TPTE2: variants seen among roughly 807,000 people sequenced by gnomAD.
The protein encoded by TPTE2 is transmembrane phosphoinositide 3-phosphatase and tensin homolog 2.
TPTE2 carries 53 observed loss-of-function variants against 78.6 expected under a neutral mutation model. The ratio of observed to expected loss-of-function variants is 0.67; its 90% CI spans 0.54 to 0.85. The LOEUF is 0.85. Ranked by LOEUF, TPTE2 falls within the 40% of genes least tolerant of loss-of-function variation. The pLI is 0.00. For missense variants in TPTE2, 461 were observed against 623.0 expected, an observed-to-expected ratio of 0.74 and a Z score of 2.77; for synonymous variants, 175 against 206.2, an observed-to-expected ratio of 0.85 and a Z score of 1.30.
chr13:19,506,858 A>G (rs982611669), upstream of TPTE2, among the ~76,000 whole-genome samples: 13 of 152,186 alleles, frequency 8.5e-5, no homozygotes, highest in Non-Finnish European at 1.3e-4. Context: ...ATATAGCCCA[A>G]CCTGGTAGAA....
chr13:19,458,621 A>C, intron 10 of TPTE2: 1 of 481,400 alleles, frequency 2.1e-6, no homozygotes, highest in Non-Finnish European at 4.2e-6. Flanking sequence ...GAGACCATGG[A>C]GATTAGGCCC....
At chr13:19,494,669 A>G (rs1186510788) in intron 1 of TPTE2, among the ~76,000 whole-genome samples, 3 of 152,168 alleles carry the variant, frequency 2.0e-5, no homozygotes, top group Non-Finnish European at 4.4e-5. Context: ...TCAGCCTTCC[A>G]AAGTGCTCAG....
chr13:19,489,935 G>A (rs544715419), intron 3 of TPTE2, among the ~76,000 whole-genome samples: 1 of 152,092 alleles, frequency 6.6e-6, no homozygotes, highest in Admixed American at 6.5e-5. Context: ...TACACATCAG[G>A]TCAAGTGACT....
chr13:19,478,561 G>A (rs1880118491), intron 4 of TPTE2, among the ~76,000 whole-genome samples: 1 of 152,220 alleles, frequency 6.6e-6, no homozygotes, highest in African/African-American at 2.4e-5. Context: ...CACTGTTGGT[G>A]GGACTGTAAA....
rs56140648 is a variant in TPTE2 at position 19,453,538 on chromosome 13, C to CATATATATATATATATAT, written c.742-2331_742-2314dup. ...TGATATATATATATCATTTTATAATCATATATATATATATATATATATATA... is the reference window on the plus strand; with the variant it reads ...TGATATATATATATCATTTTATAATCATATATATATATATATATATATATATATATATATATATATATA... On this transcript the variant is annotated intron_variant, in intron 10 of 19. Transcript: ENST00000400230. 3.3e-3 allele frequency among the ~76,000 whole-genome samples: 463 copies of CATATATATATATATATAT among 140,060 alleles called. 7 individuals carry two copies. Among genetic ancestry groups the CATATATATATATATATAT allele is most frequent in the African/African-American group, 0.01 (363 of 34,846 alleles). The allele number at this position is 140,060 out of a possible 152,430, so 91.9% of individuals were successfully genotyped here. A position where few individuals can be genotyped will look rare whatever the true frequency, so the allele number is the denominator to read the frequency against.
the TPTE2 span, chr13:19,560,438 C>A: frequency 1.2e-6 from 2 of 1,609,026 alleles, no homozygotes; most frequent in Non-Finnish European, 1.7e-6. Flanking sequence ...AAGGCCAACT[C>A]ATCCTGCAGT....
rs3002103 is a variant in TPTE2, at chr13:19,482,634, A to G, written c.120-87T>C. On this transcript the variant is annotated intron_variant, in intron 3 of 19. Transcript: ENST00000400230. The stretch of plus-strand genomic sequence containing the variant: ...ATGAAAAATATATTTGAATAACAAG[A>G]ATCCCATGAATCTAAAGGATATAGT... The G allele has an allele frequency of 7.9e-6, 12 of 1,513,202 alleles. No homozygotes were observed. The African/African-American group carries it at 1.5e-4, about 19-fold the overall frequency. The allele number at this position is 1,513,202 out of a possible 1,614,324, so 93.7% of individuals were successfully genotyped here.
intron 1 of TPTE2, among the ~76,000 whole-genome samples, chr13:19,527,308 G>T (rs766105232): frequency 3.3e-5 from 5 of 152,100 alleles, no homozygotes; most frequent in African/African-American, 4.8e-5. Context: ...TCTAAAAGAG[G>T]ACTTGAAATG....
At chr13:19,467,858 T>C (rs1879364268) in intron 6 of TPTE2, among the ~76,000 whole-genome samples, 1 of 131,548 alleles carries the variant, frequency 7.6e-6, no homozygotes, top group Non-Finnish European at 1.6e-5. Context: ...CCTCTGATGA[T>C]CATCTTTCTA....
At chr13:19,488,361 G>C (rs532441101) in intron 3 of TPTE2, among the ~76,000 whole-genome samples, 2 of 152,338 alleles carry the variant, frequency 1.3e-5, no homozygotes, top group East Asian at 3.9e-4. Flanking sequence ...AGATTTGAAA[G>C]CATGCGTTGA....
At chr13:19,483,537 C>G (rs1880481352) in intron 3 of TPTE2, among the ~76,000 whole-genome samples, 1 of 151,882 alleles carries the variant, frequency 6.6e-6, no homozygotes. Flanking sequence ...TGGTTCTTCC[C>G]TTTTTCTTAA....
chr13:19,447,126 C>A (rs1877892669), intron 13 of TPTE2, among the ~76,000 whole-genome samples: 2 of 151,976 alleles, frequency 1.3e-5, no homozygotes, highest in South Asian at 4.2e-4. Context: ...AACCTGCAGG[C>A]AGCAACCAAC....
chr13:19,454,213 C>G (rs554119425), intron 10 of TPTE2, among the ~76,000 whole-genome samples: 1 of 152,242 alleles, frequency 6.6e-6, no homozygotes, highest in East Asian at 1.9e-4. Flanking sequence ...GTAATGTCTG[C>G]TTTGCTCATT....
At chr13:19,522,799 AT>A (rs1173224450) in intron 1 of TPTE2, among the ~76,000 whole-genome samples, 2 of 148,388 alleles carry the variant, frequency 1.3e-5, no homozygotes, top group Admixed American at 6.7e-5. Context: ...ATTTTTTTGT[AT>A]TTTTTTTAGT....
chr13:19,503,228 C>T (rs1566068676), exon 1 of TPTE2: 1 of 1,613,722 alleles, frequency 6.2e-7, no homozygotes, highest in Admixed American at 1.7e-5. Flanking sequence ...ACTCACCTTT[C>T]ATTCATACGT....
At chr13:19,532,308 G>A (rs1870933713) in intron 1 of TPTE2, among the ~76,000 whole-genome samples, 2 of 152,170 alleles carry the variant, frequency 1.3e-5, no homozygotes, top group African/African-American at 4.8e-5. Context: ...CCTTTAAAAG[G>A]TGATGAGGCC....
chr13:19,455,038 T>C (rs1878455516), intron 10 of TPTE2, among the ~76,000 whole-genome samples: 1 of 152,328 alleles, frequency 6.6e-6, no homozygotes, highest in South Asian at 2.1e-4. Flanking sequence ...TCCATGACTG[T>C]GCCCATTCGG....
the TPTE2 span, among the ~76,000 whole-genome samples, chr13:19,555,515 T>A: frequency 1.3e-5 from 2 of 152,190 alleles, no homozygotes; most frequent in Non-Finnish European, 2.9e-5. Context: ...CAAAAACCAT[T>A]CTTTAGACTC....
chr13:19,541,853 G>A, the TPTE2 span, among the ~76,000 whole-genome samples: 2 of 152,020 alleles, frequency 1.3e-5, no homozygotes, highest in African/African-American at 2.4e-5. Flanking sequence ...AGATTAATTG[G>A]GGAGTGCTTC....
Sources: gnomAD v4.1 joint callset for allele counts (sites outside exome capture counted in the v4.1 genomes callset) on GRCh38, gnomAD v4.1.1 for gene constraint, MANE v1.5 for transcripts, NCBI Gene and HGNC (gene_info 2026-07-23, HGNC 2026-07-21) for gene names.